KSR2: variants seen among roughly 807,000 people sequenced by gnomAD.
The protein encoded by KSR2 is kinase suppressor of ras 2.
KSR2 carries 25 observed loss-of-function variants against 107.8 expected under a neutral mutation model. That is an observed-to-expected ratio of 0.23 (90% CI 0.17 to 0.32). KSR2 has a LOEUF of 0.32. KSR2 is among the 10% of genes least tolerant of loss of function. KSR2 has a pLI of 1.00. For synonymous variants in KSR2, 480 were observed against 507.0 expected, an observed-to-expected ratio of 0.95 and a Z score of 0.71; for missense variants, 887 against 1,268.9, an observed-to-expected ratio of 0.70 and a Z score of 4.57.
intron 9 of KSR2, among the ~76,000 whole-genome samples, chr12:117,550,730 A>G (rs1014930589): frequency 5.9e-5 from 9 of 152,206 alleles, no homozygotes; most frequent in African/African-American, 2.2e-4. Context: ...GGAAAGAAAG[A>G]CAAAAGTAGA....
At chr12:117,791,825 G>A (rs530417352) in intron 3 of KSR2, among the ~76,000 whole-genome samples, 17 of 152,154 alleles carry the variant, frequency 1.1e-4, no homozygotes, top group Admixed American at 8.5e-4. Flanking sequence ...TGTTGCAACC[G>A]ATATCAACAT....
intron 4 of KSR2, among the ~76,000 whole-genome samples, chr12:117,753,422 A>G (rs943826049): frequency 6.6e-6 from 1 of 152,166 alleles, no homozygotes; most frequent in African/African-American, 2.4e-5. Flanking sequence ...TTCATGCTCT[A>G]TGTATATCTA....
chr12:117,545,688 T>C (rs2137302532), intron 9 of KSR2, among the ~76,000 whole-genome samples: 1 of 152,340 alleles, frequency 6.6e-6, no homozygotes, highest in African/African-American at 2.4e-5. Flanking sequence ...TGCTACAGGT[T>C]TGTCAATCTC....
chr12:117,764,911 C>CA (rs1889172056), intron 3 of KSR2, among the ~76,000 whole-genome samples: 1 of 152,202 alleles, frequency 6.6e-6, no homozygotes, highest in Non-Finnish European at 1.5e-5. Context: ...ATCAGATGCA[C>CA]AAATACAAGC....
chr12:117,732,159 A>C (rs1325127975), intron 4 of KSR2, among the ~76,000 whole-genome samples: 1 of 152,120 alleles, frequency 6.6e-6, no homozygotes, highest in East Asian at 1.9e-4. Flanking sequence ...CCTGGTCGTG[A>C]GGTGGTAACT....
intron 1 of KSR2, among the ~76,000 whole-genome samples, chr12:117,964,849 C>A (rs4525333): frequency 0.33 from 50,012 of 152,032 alleles, 10,122 homozygotes; most frequent in African/African-American, 0.58. Flanking sequence ...TCTGACTCAA[C>A]GTTCATGAAC....
chr12:117,782,418 T>C (rs1002918907), intron 3 of KSR2, among the ~76,000 whole-genome samples: 1 of 152,126 alleles, frequency 6.6e-6, no homozygotes, highest in African/African-American at 2.4e-5. Context: ...CGTGCACCAC[T>C]ACACTTAGCT....
At chr12:117,515,394 A>T (rs554556593) in intron 14 of KSR2, among the ~76,000 whole-genome samples, 93 of 152,326 alleles carry the variant, frequency 6.1e-4, no homozygotes, top group African/African-American at 2.2e-3. Flanking sequence ...CTAGAGGAGC[A>T]GGCTGTGCTA....
chr12:117,723,530 C>T (rs905133862), intron 4 of KSR2, among the ~76,000 whole-genome samples: 2 of 152,094 alleles, frequency 1.3e-5, no homozygotes, highest in African/African-American at 2.4e-5. Context: ...AATGGGAACT[C>T]GTATCTTTCT....
intron 4 of KSR2, among the ~76,000 whole-genome samples, chr12:117,714,107 C>T (rs1222750950): frequency 6.6e-6 from 1 of 152,042 alleles, no homozygotes; most frequent in Non-Finnish European, 1.5e-5. Flanking sequence ...AAGTCTGGCT[C>T]GTTAAATATT....
At chr12:117,704,035 T>C (rs564014206) in intron 4 of KSR2, among the ~76,000 whole-genome samples, 1 of 152,334 alleles carries the variant, frequency 6.6e-6, no homozygotes, top group South Asian at 2.1e-4. Flanking sequence ...TTATTTGATC[T>C]GTGCACTGCT....
At chr12:117,731,885 A>G (rs900244412) in intron 4 of KSR2, among the ~76,000 whole-genome samples, 3 of 142,756 alleles carry the variant, frequency 2.1e-5, no homozygotes, top group Admixed American at 7.5e-5. Flanking sequence ...GTACCCAGGG[A>G]CACAAACACT....
At chr12:117,861,680 G>A (rs370922886) in intron 1 of KSR2, among the ~76,000 whole-genome samples, 5 of 151,844 alleles carry the variant, frequency 3.3e-5, no homozygotes, top group Admixed American at 6.6e-5. Flanking sequence ...GAGCCACCGC[G>A]CCCAGCCGAG....
chr12:117,656,963 G>A (rs1269860056), intron 5 of KSR2, among the ~76,000 whole-genome samples: 1 of 88,836 alleles, frequency 1.1e-5, no homozygotes, highest in African/African-American at 4.8e-5. Flanking sequence ...TATATAATAG[G>A]ATATATATAT....
intron 3 of KSR2, among the ~76,000 whole-genome samples, chr12:117,771,650 A>C (rs1404774603): frequency 6.6e-6 from 1 of 152,166 alleles, no homozygotes; most frequent in African/African-American, 2.4e-5. Context: ...TCAAGGGTAA[A>C]GTTCTGCTGT....
At chr12:117,618,051 G>T (rs1881979117) in intron 5 of KSR2, among the ~76,000 whole-genome samples, 1 of 152,050 alleles carries the variant, frequency 6.6e-6, no homozygotes, top group Non-Finnish European at 1.5e-5. Flanking sequence ...AATATTTCTG[G>T]TAACTTTTTA....
intron 1 of KSR2, among the ~76,000 whole-genome samples, chr12:117,866,301 C>T (rs1470589493): frequency 6.6e-6 from 1 of 152,170 alleles, no homozygotes; most frequent in Non-Finnish European, 1.5e-5. Flanking sequence ...ACTCCTCCTG[C>T]CTCAGCCTCC....
At chr12:117,506,672 C>T (rs540139556) in intron 14 of KSR2, among the ~76,000 whole-genome samples, 1 of 152,216 alleles carries the variant, frequency 6.6e-6, no homozygotes, top group Non-Finnish European at 1.5e-5. Context: ...CTATAGGATT[C>T]CAGAGTGCTA....
At chr12:117,759,671 C>T (rs1034598770) in intron 4 of KSR2, among the ~76,000 whole-genome samples, 4 of 152,314 alleles carry the variant, frequency 2.6e-5, no homozygotes, top group East Asian at 3.9e-4. Context: ...TGGCATCCAC[C>T]GTTCTACTTT....
Sources: gnomAD v4.1 joint callset for allele counts (sites outside exome capture counted in the v4.1 genomes callset) on GRCh38, gnomAD v4.1.1 for gene constraint, MANE v1.5 for transcripts, NCBI Gene and HGNC (gene_info 2026-07-23, HGNC 2026-07-21) for gene names.